TRIM14: variants seen among roughly 807,000 people sequenced by gnomAD.
TRIM14 encodes the protein tripartite motif-containing protein 14.
A neutral mutation model predicts 44.5 loss-of-function variants in TRIM14; 28 were observed. The observed-to-expected ratio is 0.63, with a 90% CI of 0.47 to 0.86. The LOEUF is 0.86. Ranked by LOEUF, TRIM14 falls within the 40% of genes least tolerant of loss-of-function variation. The pLI is 0.00. For synonymous variants in TRIM14, 299 were observed against 269.2 expected (o/e 1.11, Z -1.08); for missense variants, 607 against 611.1 (o/e 0.99, Z 0.07).
At chr9:98,042,997 T>C in the TRIM14 span, among the ~76,000 whole-genome samples, 1 of 152,192 alleles carries the variant, frequency 6.6e-6, no homozygotes, top group Non-Finnish European at 1.5e-5. Flanking sequence ...TTAGAACTCA[T>C]ACATTTTTAG....
chr9:98,061,272 T>C, the TRIM14 span: 2 of 385,324 alleles, frequency 5.2e-6, no homozygotes, highest in South Asian at 6.0e-5. Context: ...AGGTCAGGAG[T>C]TCGAGACCAG....
downstream of TRIM14, chr9:98,083,028 T>C (rs933690453): frequency 1.2e-6 from 2 of 1,614,050 alleles, no homozygotes; most frequent in East Asian, 4.5e-5. Context: ...AATTGGTAGA[T>C]AATCATGGCA....
the TRIM14 span, among the ~76,000 whole-genome samples, chr9:98,037,241 G>C: frequency 6.6e-6 from 1 of 152,168 alleles, no homozygotes; most frequent in African/African-American, 2.4e-5. Context: ...AGCTGGGTGT[G>C]GTGGCAGGCA....
intron 6 of TRIM14, among the ~76,000 whole-genome samples, chr9:98,070,305 A>G (rs1170084792): frequency 6.6e-6 from 1 of 151,826 alleles, no homozygotes; most frequent in Non-Finnish European, 1.5e-5. Flanking sequence ...TTTAGTAGAG[A>G]CGGGGTTTCA....
At chr9:98,101,459 CTT>C (rs1246551214) in intron 2 of TRIM14, among the ~76,000 whole-genome samples, 4 of 148,592 alleles carry the variant, frequency 2.7e-5, no homozygotes, top group African/African-American at 9.9e-5. Context: ...AAGTTTTGCT[CTT>C]GTCGCCTAGG....
the TRIM14 span, chr9:98,060,987 G>A: frequency 6.2e-7 from 1 of 1,613,606 alleles, no homozygotes; most frequent in East Asian, 2.2e-5. Context: ...ACTGCCTCTG[G>A]CATGGATGAG....
chr9:98,056,724 C>G, the TRIM14 span: 3 of 1,514,674 alleles, frequency 2.0e-6, no homozygotes, highest in African/African-American at 4.3e-5. Flanking sequence ...GGTCTCGCAG[C>G]GTTGCTCACA....
At chr9:98,118,932 G>T in intron 1 of TRIM14, 50 bp downstream of exon 1, 1 of 1,445,968 alleles carries the variant, frequency 6.9e-7, no homozygotes. Context: ...TTATGCCTGG[G>T]CTGGCTCCCC....
At chr9:98,068,593 C>T (rs985266950), downstream of TRIM14, among the ~76,000 whole-genome samples, 1 of 150,358 alleles carries the variant, frequency 6.7e-6, no homozygotes, top group Non-Finnish European at 1.5e-5. Context: ...GTAGGAGGGT[C>T]GCTTGAGGCC....
In TRIM14 at chr9:98,087,776, G is replaced by T; in HGVS notation, c.1023C>A (p.Tyr341Ter). Reference protein sequence around the residue: ...AGAGWWVGAAYASLRRRGASA... With the variant: ...AGAGWWVGAA ...AGGCCCCGCGGCGCCGAAGGGAGGC[G>T]TAGGCCGCGCCCACCCACCAGCCGG... The change falls in exon 6 of 6, where the codon TAC becomes TAA. Residue 341 changes from tyrosine to a stop codon, truncating the protein, a stop_gained. Transcript: ENST00000341469. LOFTEE classifies it high-confidence loss of function. 1.3e-6 allele frequency: 2 copies of T among 1,513,226 alleles called. No homozygotes were observed. Among genetic ancestry groups the T allele is most frequent in the Non-Finnish European group, 8.8e-7 (1 of 1,141,504 alleles). 93.7% of individuals were successfully genotyped at this position (1,513,226 alleles called of 1,614,324 possible). A position where few individuals can be genotyped will look rare whatever the true frequency, so the allele number is the denominator to read the frequency against.
chr9:98,056,103 G>T, the TRIM14 span, among the ~76,000 whole-genome samples: 32 of 152,090 alleles, frequency 2.1e-4, no homozygotes, highest in Non-Finnish European at 5.9e-5. Flanking sequence ...CTCTGCTTTG[G>T]CTTTCTGGAT....
chr9:98,035,885 GA>G, the TRIM14 span, among the ~76,000 whole-genome samples: 1 of 152,210 alleles, frequency 6.6e-6, no homozygotes, highest in African/African-American at 2.4e-5. Context: ...TGCTCATTCA[GA>G]AAATATTTAT....
At chr9:98,079,755 T>A (rs1829768674), downstream of TRIM14, among the ~76,000 whole-genome samples, 1 of 152,222 alleles carries the variant, frequency 6.6e-6, no homozygotes, top group Non-Finnish European at 1.5e-5. Context: ...TCCTCTCTCT[T>A]GACACTACAC....
At chr9:98,065,249 C>T (rs188493546), downstream of TRIM14, among the ~76,000 whole-genome samples, 190 of 148,374 alleles carry the variant, frequency 1.3e-3, no homozygotes, top group Admixed American at 0.012. Context: ...CAGAGAATTA[C>T]AATGTTTAGC....
downstream of TRIM14, chr9:98,080,789 T>C (rs778451621): frequency 1.3e-6 from 2 of 1,547,634 alleles, no homozygotes; most frequent in South Asian, 1.2e-5. Flanking sequence ...TGATATTTAA[T>C]GTTATTTTTC....
At chr9:98,076,368 C>G in intron 6 of TRIM14, 1 of 153,252 alleles carries the variant, frequency 6.5e-6, no homozygotes, top group Non-Finnish European at 1.4e-5. Flanking sequence ...GGGAAAGGTT[C>G]TTTTCCAGAT....
chr9:98,095,970 C>A lies in TRIM14; in HGVS notation c.538-941G>T, dbSNP rs1391163674. On this transcript the variant is annotated intron_variant, in intron 3 of 5. Coordinates refer to ENST00000341469, the MANE Select transcript of TRIM14 (RefSeq NM_014788.4). This position sits in a 1 kb window ranked among gnomAD's most constrained non-coding sequence, Gnocchi z 4.1. ...TACTCTTCCATAAACTCCTTTCTTG[C>A]TTAAAACAGTTCCAGTGGATTCTCA... Among the ~76,000 whole-genome samples, 1 of 152,252 alleles carries A rather than the reference C, an allele frequency of 6.6e-6. No homozygotes were observed. The highest frequency in any genetic ancestry group is 2.4e-5 in the African/African-American group (1 of 41,458).
intron 2 of TRIM14, among the ~76,000 whole-genome samples, chr9:98,101,303 GA>G: frequency 6.6e-6 from 1 of 152,108 alleles, no homozygotes; most frequent in East Asian, 1.9e-4. Flanking sequence ...CATTAGATTG[GA>G]AGACTTTTAA....
At chr9:98,065,554 GTC>G (rs1459486828), downstream of TRIM14, among the ~76,000 whole-genome samples, 2 of 142,434 alleles carry the variant, frequency 1.4e-5, no homozygotes, top group African/African-American at 5.3e-5. Context: ...GGCCAGGCTG[GTC>G]TCGAACTCCT....
Sources: allele counts gnomAD v4.1 joint callset (sites outside exome capture counted in the v4.1 genomes callset), GRCh38; gene constraint gnomAD v4.1.1; non-coding constraint Gnocchi (gnomAD v3.1); transcripts MANE v1.5; gene names NCBI Gene and HGNC (gene_info 2026-07-23, HGNC 2026-07-21).